The following GNAQ variants were observed in gnomAD, a reference collection of about 807,000 sequenced individuals.
GNAQ encodes guanine nucleotide-binding protein G(q) subunit alpha.
GNAQ carries 8 observed loss-of-function variants against 43.9 expected under a neutral mutation model. The observed-to-expected ratio is 0.18, with a 90% CI of 0.11 to 0.33. The LOEUF (loss-of-function observed/expected upper bound fraction) is 0.33. GNAQ is among the 10% of genes least tolerant of loss of function. The pLI, the probability that GNAQ is intolerant of heterozygous loss-of-function variation, is 1.00. For missense variants in GNAQ, 158 were observed against 450.8 expected, an observed-to-expected ratio of 0.35 and a Z score of 5.88; for synonymous variants, 155 against 170.7, an observed-to-expected ratio of 0.91 and a Z score of 0.71.
At chr9:77,786,355 CAAA>C (rs1226459627) in intron 5 of GNAQ, among the ~76,000 whole-genome samples, 5 of 60,750 alleles carry the variant, frequency 8.2e-5, no homozygotes, top group Non-Finnish European at 7.1e-5. Context: ...GACTCTGTCT[CAAA>C]AAAAAAAAAA....
rs78530448 is a variant in GNAQ at position 77,814,550 on chromosome 9, G to T, written c.476+1066C>A. Among the ~76,000 whole-genome samples, 433 of 152,292 alleles carry T rather than the reference G, an allele frequency of 2.8e-3. 3 individuals are homozygous for T. The highest frequency in any genetic ancestry group is 9.9e-3 in the African/African-American group (413 of 41,540). ...TAGTTTGATCAGGCAACATTTCTGT[G>T]GCTGATGTGAATCATATCTTATACA... is the stretch of plus-strand genomic sequence containing the variant. On this transcript the variant is annotated intron_variant, in intron 3 of 6. Transcript: ENST00000286548.
chr9:77,893,502 G>C (rs974817046), intron 2 of GNAQ, among the ~76,000 whole-genome samples: 1 of 152,194 alleles, frequency 6.6e-6, no homozygotes, highest in Admixed American at 6.5e-5. Context: ...ACAGAATCAA[G>C]AAATAACTAT....
chr9:77,723,560 CA>C (rs1235134342), intron 6 of GNAQ, among the ~76,000 whole-genome samples: 2 of 151,984 alleles, frequency 1.3e-5, no homozygotes, highest in Non-Finnish European at 2.9e-5. Flanking sequence ...AAAACCAAAC[CA>C]AACAGAATAT....
intron 2 of GNAQ, among the ~76,000 whole-genome samples, chr9:77,827,722 C>T (rs776180149): frequency 6.6e-6 from 1 of 152,076 alleles, no homozygotes; most frequent in Non-Finnish European, 1.5e-5. Flanking sequence ...GCACCACTTA[C>T]ATACATTTTA....
At chr9:77,993,179 T>A (rs1823529713) in intron 1 of GNAQ, among the ~76,000 whole-genome samples, 1 of 152,204 alleles carries the variant, frequency 6.6e-6, no homozygotes. Context: ...TCTAAAGGTC[T>A]AAACCACAAC....
At chr9:77,907,810 G>T (rs991576201) in intron 2 of GNAQ, among the ~76,000 whole-genome samples, 1 of 152,136 alleles carries the variant, frequency 6.6e-6, no homozygotes, top group African/African-American at 2.4e-5. Flanking sequence ...CTAGGTCCTG[G>T]GGACACGGCA....
rs184805509 is a variant in GNAQ, at chr9:78,008,401, G to T, written c.136+22699C>A. Among the ~76,000 whole-genome samples the T allele has an allele frequency of 2.7e-4, 41 of 152,288 alleles. 1 individual carries two copies. Among genetic ancestry groups the T allele is most frequent in the Admixed American group, 2.4e-3 (36 of 15,308 alleles). ...GGGGCAAGGGAGTGGGATAAAAGGA[G>T]GGAGGGCAAGATCCCTTCTCAATTT... On this transcript the variant is annotated intron_variant, in intron 1 of 6. Transcript: ENST00000286548.
chr9:77,858,180 A>C (rs545938172), intron 2 of GNAQ, among the ~76,000 whole-genome samples: 1 of 152,260 alleles, frequency 6.6e-6, no homozygotes, highest in African/African-American at 2.4e-5. Flanking sequence ...GGTTTTCAGC[A>C]CTGGCACAAT....
At chr9:77,799,615 T>C (rs1005308826) in intron 3 of GNAQ, among the ~76,000 whole-genome samples, 7 of 152,164 alleles carry the variant, frequency 4.6e-5, no homozygotes, top group Non-Finnish European at 8.8e-5. Context: ...AAATGTTAAA[T>C]CTACAAGATT....
intron 5 of GNAQ, among the ~76,000 whole-genome samples, chr9:77,734,069 A>G (rs1825536065): frequency 1.3e-5 from 2 of 152,186 alleles, no homozygotes; most frequent in Non-Finnish European, 2.9e-5. Flanking sequence ...TTTCGTGTCT[A>G]CACTTTGCAT....
chr9:77,870,995 G>A (rs1265080227), intron 2 of GNAQ, among the ~76,000 whole-genome samples: 1 of 152,090 alleles, frequency 6.6e-6, no homozygotes, highest in African/African-American at 2.4e-5. Context: ...GAACTTTTTA[G>A]GGTTATAGAA....
intron 2 of GNAQ, among the ~76,000 whole-genome samples, chr9:77,840,794 G>T (rs1827477926): frequency 6.6e-6 from 1 of 152,170 alleles, no homozygotes; most frequent in Non-Finnish European, 1.5e-5. Context: ...TAGGGAAGGG[G>T]TGAGAAGATG....
At chr9:77,995,240 C>T (rs1164724180) in intron 1 of GNAQ, among the ~76,000 whole-genome samples, 1 of 152,168 alleles carries the variant, frequency 6.6e-6, no homozygotes, top group Non-Finnish European at 1.5e-5. Context: ...CTCAAAGATG[C>T]TACAGCTATT....
At chr9:77,963,130 G>A (rs973892823) in intron 1 of GNAQ, among the ~76,000 whole-genome samples, 1 of 152,052 alleles carries the variant, frequency 6.6e-6, no homozygotes, top group Non-Finnish European at 1.5e-5. Context: ...TGAAACTCAC[G>A]TGGAAGAACG....
intron 3 of GNAQ, among the ~76,000 whole-genome samples, chr9:77,814,829 G>A (rs1378064685): frequency 3.3e-5 from 5 of 152,158 alleles, no homozygotes; most frequent in Admixed American, 3.3e-4. Flanking sequence ...TATAACTAAT[G>A]TACACAGAAA....
intron 1 of GNAQ, among the ~76,000 whole-genome samples, chr9:78,012,323 C>A (rs1008468476): frequency 1.3e-4 from 19 of 151,852 alleles, no homozygotes; most frequent in Admixed American, 8.5e-4. Context: ...CTGCAACCTC[C>A]ACCTCCCAGG....
intron 1 of GNAQ, among the ~76,000 whole-genome samples, chr9:77,971,171 C>T (rs1281227786): frequency 1.3e-5 from 2 of 152,120 alleles, no homozygotes; most frequent in Non-Finnish European, 2.9e-5. Context: ...TAGGACCAGA[C>T]GGATTCACAG....
At position 77,742,075 on chromosome 9, in the gene GNAQ, G is replaced by A. The variant is rs534365318; in HGVS notation, c.736-13408C>T. ...CAGTGCACACCAGAGCAAGGCCCTG[G>A]CACCTTTAAAAGCAATGTTTACTGT... On this transcript the variant is annotated intron_variant, in intron 5 of 6. Coordinates refer to ENST00000286548, the MANE Select transcript of GNAQ (RefSeq NM_002072.5). 1.5e-3 allele frequency among the ~76,000 whole-genome samples: 222 copies of A among 152,224 alleles called. 3 individuals are homozygous for A. The highest frequency in any genetic ancestry group is 8.3e-3 in the South Asian group (40 of 4,818).
chr9:77,972,762 G>T (rs1316835003), intron 1 of GNAQ, among the ~76,000 whole-genome samples: 1 of 151,914 alleles, frequency 6.6e-6, no homozygotes, highest in Non-Finnish European at 1.5e-5. Context: ...AGACCAGCCT[G>T]GCCAACATGG....
Sources: gnomAD v4.1 joint callset for allele counts (sites outside exome capture counted in the v4.1 genomes callset) on GRCh38, gnomAD v4.1.1 for gene constraint, MANE v1.5 for transcripts, NCBI Gene and HGNC (gene_info 2026-07-23, HGNC 2026-07-21) for gene names.